The following GRAMD4 variants were observed in gnomAD, a reference collection of about 807,000 sequenced individuals.
GRAMD4 encodes the protein GRAM domain-containing protein 4.
A neutral mutation model predicts 83.9 loss-of-function variants in GRAMD4; 25 were observed. The observed-to-expected ratio is 0.30, with a 90% CI of 0.22 to 0.42. The LOEUF is 0.42. Ranked by LOEUF, GRAMD4 falls within the 10% of genes least tolerant of loss-of-function variation. The probability of loss-of-function intolerance (pLI) is 1.00; values close to 1 mark genes in which losing one functional copy is unlikely to be tolerated. For synonymous variants in GRAMD4, 336 were observed against 320.9 expected, an observed-to-expected ratio of 1.05 and a Z score of -0.50; for missense variants, 593 against 788.7, an observed-to-expected ratio of 0.75 and a Z score of 2.97.
intron 1 of GRAMD4, among the ~76,000 whole-genome samples, chr22:46,584,936 T>A (rs1029410072): frequency 1.3e-5 from 2 of 152,216 alleles, no homozygotes; most frequent in Admixed American, 1.3e-4. Context: ...AATCTCCGAC[T>A]CCATCCTGGC....
exon 1 of GRAMD4, chr22:46,577,235 C>T: frequency 2.1e-6 from 2 of 971,728 alleles, no homozygotes; most frequent in Non-Finnish European, 2.4e-6. Flanking sequence ...GCCGGGCGGC[C>T]GGCGAGGGGG....
chr22:46,626,901 C>T lies in GRAMD4; in HGVS notation c.102C>T (p.Asp34=), dbSNP rs1251298322. The change falls in exon 2 of 19, where the codon GAC becomes GAT. Residue 34 remains aspartate, a synonymous_variant. Coordinates refer to ENST00000406902, the MANE Select transcript of GRAMD4 (RefSeq NM_015124.5). The part of the protein sequence containing the change: ...SPNASDTECS[D]EIPLKVPRTS... ...ATGCCTCGGACACCGAATGCAGCGA[C>T]GAAATCCCCCTGAAGGTACCGCGGA... 28 of 1,614,182 alleles carry T rather than the reference C, an allele frequency of 1.7e-5. No homozygotes were observed. The highest frequency in any genetic ancestry group is 2.2e-5 in the East Asian group (1 of 44,880).
At chr22:46,617,085 T>C (rs142800136), upstream of GRAMD4, among the ~76,000 whole-genome samples, 1 of 118,392 alleles carries the variant, frequency 8.4e-6, no homozygotes, top group African/African-American at 3.3e-5. Flanking sequence ...TGCGTGTGGG[T>C]TCCCCCATGT....
chr22:46,671,439 A>C (rs2082503320), intron 13 of GRAMD4, among the ~76,000 whole-genome samples: 1 of 152,102 alleles, frequency 6.6e-6, no homozygotes, highest in Non-Finnish European at 1.5e-5. Context: ...GCGCCACTGC[A>C]CTCCAGCCTG....
Position 46,679,098 on chromosome 22 carries a change from C to G in GRAMD4, c.*1847C>G. The G allele has an allele frequency of 2.0e-6, 2 of 985,570 alleles. No homozygotes were observed. The highest frequency in any genetic ancestry group is 2.4e-6 in the Non-Finnish European group (2 of 829,964). The allele number at this position is 985,570 out of a possible 1,614,324, so 61.1% of individuals were successfully genotyped here. On this transcript the variant is annotated 3_prime_UTR_variant, in exon 19 of 19. Coordinates refer to ENST00000406902, the MANE Select transcript of GRAMD4 (RefSeq NM_015124.5). ...CACAGGGTGGGCACTGACCCACCCC[C>G]AGGGGCGGCTGCAGAGGCAGTGCCC...
chr22:46,669,167 C>T (rs1019675877), intron 13 of GRAMD4, among the ~76,000 whole-genome samples: 2 of 152,064 alleles, frequency 1.3e-5, no homozygotes, highest in Non-Finnish European at 2.9e-5. Context: ...GCTGGAAGAC[C>T]CAAGACCCAG....
chr22:46,578,348 A>G (rs2081065322), intron 1 of GRAMD4, among the ~76,000 whole-genome samples: 1 of 151,994 alleles, frequency 6.6e-6, no homozygotes, highest in South Asian at 2.1e-4. Context: ...CGAGGGCAGC[A>G]CTCGAGAGAG....
chr22:46,644,494 C>G (rs1311298838), intron 3 of GRAMD4, among the ~76,000 whole-genome samples: 7 of 152,108 alleles, frequency 4.6e-5, no homozygotes, highest in Admixed American at 3.9e-4. Context: ...ACACCTGTCC[C>G]TGTTCTGTGT....
intron 2 of GRAMD4, among the ~76,000 whole-genome samples, chr22:46,634,594 C>G (rs1178491760): frequency 6.6e-6 from 1 of 152,092 alleles, no homozygotes; most frequent in Non-Finnish European, 1.5e-5. Context: ...GCAAGTGGGT[C>G]GGAGCAAGCA....
chr22:46,656,978 G>A (rs2082253423), intron 3 of GRAMD4, among the ~76,000 whole-genome samples: 1 of 152,068 alleles, frequency 6.6e-6, no homozygotes, highest in African/African-American at 2.4e-5. Flanking sequence ...CAGCCAGGCA[G>A]CCTTCTGGGG....
intron 3 of GRAMD4, among the ~76,000 whole-genome samples, chr22:46,653,646 G>C (rs372642293): frequency 6.6e-6 from 1 of 152,214 alleles, no homozygotes; most frequent in African/African-American, 2.4e-5. Context: ...AGGAAGGGGC[G>C]TAGGGGGCAG....
rs1285963666 is a variant in GRAMD4, at chr22:46,672,119, A to T, written c.1085-724A>T. Among the ~76,000 whole-genome samples, 3 of 152,160 alleles carry T rather than the reference A, an allele frequency of 2.0e-5. No homozygotes were observed. Among genetic ancestry groups the T allele is most frequent in the Non-Finnish European group, 2.9e-5 (2 of 68,010 alleles). On this transcript the variant is annotated intron_variant, in intron 13 of 18. Transcript: ENST00000406902. The surrounding 1 kb of genome is among the most constrained non-coding windows in gnomAD (Gnocchi z 4.7). ...GAACTCCTGACAGCTTTTGCTGCCC[A>T]GGGGGGTGCGTTAGCAGGTGTGTGG...
intron 1 of GRAMD4, among the ~76,000 whole-genome samples, chr22:46,578,008 G>C (rs929353929): frequency 6.6e-6 from 1 of 152,210 alleles, no homozygotes; most frequent in African/African-American, 2.4e-5. Context: ...CAGCCGGGTG[G>C]GCTGGTGCCC....
intron 1 of GRAMD4, chr22:46,587,885 C>T (rs978293024): frequency 4.7e-5 from 46 of 984,996 alleles, no homozygotes; most frequent in Admixed American, 6.1e-5. Context: ...GGTGGGGCCG[C>T]GGGAGGATGG....
chr22:46,589,165 G>A (rs1177702433), intron 1 of GRAMD4, among the ~76,000 whole-genome samples: 1 of 151,780 alleles, frequency 6.6e-6, no homozygotes, highest in African/African-American at 2.4e-5. Flanking sequence ...GGGAGACCCT[G>A]GCTCAGTGTC....
chr22:46,616,372 C>CTGTGTGTACGTTCCCCTG (rs2081493741), upstream of GRAMD4, among the ~76,000 whole-genome samples: 1 of 88,774 alleles, frequency 1.1e-5, no homozygotes, highest in Admixed American at 1.1e-4. Context: ...GTACGTTCCC[C>CTGTGTGTACGTTCCCCTG]TGTGTGTAGG....
At chr22:46,635,143 C>G (rs1185052723) in intron 2 of GRAMD4, among the ~76,000 whole-genome samples, 1 of 142,238 alleles carries the variant, frequency 7.0e-6, no homozygotes. Flanking sequence ...ACCGTGTCCT[C>G]CCTGCCTCCA....
chr22:46,587,951 A>C (rs1431819708), intron 1 of GRAMD4: 1 of 985,126 alleles, frequency 1.0e-6, no homozygotes, highest in Non-Finnish European at 1.2e-6. Context: ...ACAGGTTGGC[A>C]AAAGGCCTGA....
intron 13 of GRAMD4, 104 bp downstream of exon 13, chr22:46,669,012 G>T (rs547979316): frequency 1.6e-5 from 11 of 682,868 alleles, no homozygotes; most frequent in Non-Finnish European, 2.9e-5. Flanking sequence ...AAACTCACCT[G>T]GCGATCCTTC....
Sources: gnomAD v4.1 joint callset for allele counts (sites outside exome capture counted in the v4.1 genomes callset) on GRCh38, gnomAD v4.1.1 for gene constraint, Gnocchi (gnomAD v3.1) non-coding constraint, MANE v1.5 for transcripts, NCBI Gene and HGNC (gene_info 2026-07-23, HGNC 2026-07-21) for gene names.